Variants in MTUS2 observed in about 807,000 individuals in gnomAD.
The protein encoded by MTUS2 is microtubule associated scaffold protein 2, also known as microtubule-associated tumor suppressor candidate 2.
In MTUS2, 40 loss-of-function variants were observed where a neutral mutation model predicts 114.1. The observed-to-expected ratio is 0.35, with a 90% confidence interval of 0.27 to 0.46. The LOEUF is 0.46. Ranked by LOEUF, MTUS2 falls within the 20% of genes least tolerant of loss-of-function variation. MTUS2 has a pLI of 1.00. For missense variants in MTUS2, 1,679 were observed against 1,705.4 expected (o/e 0.98, Z 0.27); for synonymous variants, 688 against 672.0 (o/e 1.02, Z -0.37).
intron 5 of MTUS2, among the ~76,000 whole-genome samples, chr13:29,118,546 A>G (rs1310062989): frequency 2.0e-5 from 3 of 152,168 alleles, no homozygotes; most frequent in East Asian, 1.9e-4. Context: ...ACAGTTTCCT[A>G]TGGTCTTCCC....
At chr13:29,351,026 G>C (rs978334734) in intron 7 of MTUS2, among the ~76,000 whole-genome samples, 1 of 146,480 alleles carries the variant, frequency 6.8e-6, no homozygotes, top group Admixed American at 6.9e-5. Context: ...AGCAGGGTAT[G>C]TACATGAAGG....
chr13:28,855,162 C>A (rs571092880), intron 2 of MTUS2, among the ~76,000 whole-genome samples: 1 of 151,942 alleles, frequency 6.6e-6, no homozygotes, highest in Non-Finnish European at 1.5e-5. Flanking sequence ...TATGCCGATA[C>A]GAATTGTGCT....
At position 28,939,518 on chromosome 13, in the gene MTUS2, A is replaced by G. The variant is rs1461623743; in HGVS notation, c.-242-84939A>G. 2.0e-5 allele frequency among the ~76,000 whole-genome samples: 3 copies of G among 152,088 alleles called. No homozygotes were observed. The East Asian group carries it at 5.8e-4, about 29-fold the overall frequency. ...AAAGTTTGGGTAATATTTAAGAAGC[A>G]TCAACAAAACAGTTTCCAAATGTTT... On this transcript the variant is annotated intron_variant, in intron 2 of 15. Coordinates refer to ENST00000612955, the MANE Select transcript of MTUS2 (RefSeq NM_001033602.4).
intron 10 of MTUS2, among the ~76,000 whole-genome samples, chr13:29,481,309 C>T (rs953937372): frequency 6.6e-6 from 1 of 152,196 alleles, no homozygotes; most frequent in African/African-American, 2.4e-5. Flanking sequence ...GCTATCTTGT[C>T]CATGACTGCC....
chr13:29,375,932 T>C (rs1332511772), intron 8 of MTUS2, among the ~76,000 whole-genome samples: 3 of 151,816 alleles, frequency 2.0e-5, no homozygotes, highest in African/African-American at 7.3e-5. Flanking sequence ...AATCTCAGAC[T>C]TCACCACTTT....
At chr13:29,004,072 C>A (rs185744727) in intron 2 of MTUS2, among the ~76,000 whole-genome samples, 4 of 152,324 alleles carry the variant, frequency 2.6e-5, no homozygotes, top group African/African-American at 9.6e-5. Context: ...ACTGACCACA[C>A]AGAATTACCC....
At chr13:29,271,760 A>T (rs1897889706) in intron 5 of MTUS2, among the ~76,000 whole-genome samples, 1 of 152,334 alleles carries the variant, frequency 6.6e-6, no homozygotes, top group Admixed American at 6.5e-5. Context: ...AGTCACATGA[A>T]ATATGAACTT....
At chr13:29,244,227 A>G (rs1187818980) in intron 5 of MTUS2, among the ~76,000 whole-genome samples, 2 of 152,134 alleles carry the variant, frequency 1.3e-5, no homozygotes, top group Non-Finnish European at 2.9e-5. Flanking sequence ...GTAGTTGGGG[A>G]CACACAGTCC....
At chr13:29,426,459 C>T (rs1038821802) in intron 8 of MTUS2, among the ~76,000 whole-genome samples, 3 of 152,188 alleles carry the variant, frequency 2.0e-5, no homozygotes, top group African/African-American at 4.8e-5. Context: ...TCTGTATATT[C>T]GCATTGTAGT....
chr13:29,245,987 G>A (rs1343101835), intron 5 of MTUS2, among the ~76,000 whole-genome samples: 7 of 152,138 alleles, frequency 4.6e-5, no homozygotes, highest in East Asian at 1.9e-4. Flanking sequence ...GTGAGCCACC[G>A]CGCCCAGCCT....
chr13:29,351,927 T>C (rs1008774297), intron 7 of MTUS2, among the ~76,000 whole-genome samples: 1 of 152,128 alleles, frequency 6.6e-6, no homozygotes, highest in Non-Finnish European at 1.5e-5. Context: ...CATTAGTTAA[T>C]TCTTGATAGA....
chr13:28,877,735 G>A (rs1207624416), intron 2 of MTUS2, among the ~76,000 whole-genome samples: 1 of 152,148 alleles, frequency 6.6e-6, no homozygotes. Flanking sequence ...ATAGTAATAT[G>A]GGATATGTAT....
At position 29,038,345 on chromosome 13, in the gene MTUS2, A is replaced by G. The variant is rs184544867; in HGVS notation, c.2446+4220A>G. On this transcript the variant is annotated intron_variant, in intron 4 of 15. Coordinates refer to ENST00000612955, the MANE Select transcript of MTUS2 (RefSeq NM_001033602.4). ...TTGCTGGAGGTCCACTCCAGACCCT[A>G]TTAGCCTGGGTATCACCAGTGGAGG... 1.5e-3 allele frequency among the ~76,000 whole-genome samples: 225 copies of G among 152,302 alleles called. 3 individuals carry two copies. Among genetic ancestry groups the G allele is most frequent in the African/African-American group, 4.7e-3 (197 of 41,570 alleles).
intron 4 of MTUS2, among the ~76,000 whole-genome samples, chr13:29,070,386 C>T (rs183139029): frequency 2.0e-5 from 3 of 152,202 alleles, no homozygotes; most frequent in Non-Finnish European, 2.9e-5. Flanking sequence ...TTTTTGAAAT[C>T]ATCTGTAGTC....
chr13:29,195,044 A>G (rs562950656), intron 5 of MTUS2, among the ~76,000 whole-genome samples: 8 of 144,314 alleles, frequency 5.5e-5, no homozygotes, highest in Non-Finnish European at 9.1e-5. Flanking sequence ...GAATTGAACA[A>G]TGAGAACACA....
intron 5 of MTUS2, among the ~76,000 whole-genome samples, chr13:29,142,082 G>C (rs951173733): frequency 6.6e-6 from 1 of 151,776 alleles, no homozygotes; most frequent in Non-Finnish European, 1.5e-5. Flanking sequence ...GGATGGTCTC[G>C]ATCTCCTGAC....
chr13:29,432,459 A>G (rs1280544998), intron 8 of MTUS2, among the ~76,000 whole-genome samples: 3 of 152,248 alleles, frequency 2.0e-5, no homozygotes, highest in African/African-American at 7.2e-5. Flanking sequence ...TTTTAACAAT[A>G]CGAAATATAA....
chr13:28,922,392 C>G (rs1004639432), intron 2 of MTUS2, among the ~76,000 whole-genome samples: 2 of 152,184 alleles, frequency 1.3e-5, no homozygotes, highest in Admixed American at 1.3e-4. Flanking sequence ...AGCACTAGGA[C>G]TTGCCTAGGA....
At chr13:29,169,884 C>A (rs551916191) in intron 5 of MTUS2, among the ~76,000 whole-genome samples, 2 of 152,304 alleles carry the variant, frequency 1.3e-5, no homozygotes, top group East Asian at 3.9e-4. Flanking sequence ...TTTGCATCTG[C>A]CTTTCCTATT....
Sources: gnomAD v4.1 joint callset for allele counts (sites outside exome capture counted in the v4.1 genomes callset) on GRCh38, gnomAD v4.1.1 for gene constraint, MANE v1.5 for transcripts, NCBI Gene and HGNC (gene_info 2026-07-23, HGNC 2026-07-21) for gene names.